The following WDR26 variants were observed in gnomAD, a reference collection of about 807,000 sequenced individuals.
WDR26 encodes WD repeat-containing protein 26.
Under a neutral mutation model 84.1 loss-of-function variants are expected in WDR26, and 5 were observed. That is an observed-to-expected ratio of 0.06 (90% confidence interval 0.03 to 0.13). The LOEUF (loss-of-function observed/expected upper bound fraction) is 0.13, where lower values mean the gene tolerates loss of function less well. WDR26 is among the 10% of genes least tolerant of loss of function. The pLI is 1.00. For synonymous variants in WDR26, 415 were observed against 389.6 expected, an observed-to-expected ratio of 1.07 and a Z score of -0.77; for missense variants, 642 against 974.9, an observed-to-expected ratio of 0.66 and a Z score of 4.55.
rs1673001183 is a variant in WDR26, at chr1:224,386,754, G to A, written c.*3081C>T. 6.6e-6 allele frequency: 1 copy of A among 152,088 alleles called. No individual in the cohort carries two copies. 9.4% of individuals were successfully genotyped at this position (152,088 alleles called of 1,614,324 possible). A position where few individuals can be genotyped will look rare whatever the true frequency, so the allele number is the denominator to read the frequency against. The stretch of plus-strand genomic sequence containing the variant: ...CCCACCCAATAAAATGGGCCAATTT[G>A]TAGGGATATATGCAAATAAAATGTT... On this transcript the variant is annotated 3_prime_UTR_variant, in exon 14 of 14. Coordinates refer to ENST00000414423, the MANE Select transcript of WDR26 (RefSeq NM_001379403.1).
intron 6 of WDR26, chr1:224,413,237 A>T: frequency 1.9e-6 from 2 of 1,037,152 alleles, no homozygotes; most frequent in Non-Finnish European, 2.4e-6. Flanking sequence ...CGTTATTTAA[A>T]CAATAATGGA....
chr1:224,398,445 C>A, intron 11 of WDR26, 70 bp downstream of exon 11: 1 of 1,393,098 alleles, frequency 7.2e-7, no homozygotes, highest in Non-Finnish European at 9.8e-7. Context: ...TATAAATACA[C>A]TGAAAATAAC....
At chr1:224,397,914 A>G in intron 12 of WDR26, 183 bp downstream of exon 12, 4 of 657,136 alleles carry the variant, frequency 6.1e-6, no homozygotes, top group Non-Finnish European at 9.9e-6. Flanking sequence ...ACATGACAGC[A>G]TGTGACAATT....
At chr1:224,400,272 C>G (rs1453461379) in intron 9 of WDR26, among the ~76,000 whole-genome samples, 1 of 144,684 alleles carries the variant, frequency 6.9e-6, no homozygotes, top group Non-Finnish European at 1.5e-5. Flanking sequence ...TAAAGGGAGT[C>G]TACTCATAAA....
intron 7 of WDR26, among the ~76,000 whole-genome samples, chr1:224,410,467 CAT>C (rs1572184483): frequency 6.6e-6 from 1 of 151,958 alleles, no homozygotes; most frequent in Non-Finnish European, 1.5e-5. Context: ...ATCCATAGGT[CAT>C]CTGGTTATAA....
intron 4 of WDR26, among the ~76,000 whole-genome samples, chr1:224,420,719 TGTAA>T (rs997525378): frequency 1.3e-5 from 2 of 152,202 alleles, no homozygotes; most frequent in African/African-American, 2.4e-5. Flanking sequence ...TATTTAATAA[TGTAA>T]GTAATTATAC....
At chr1:224,401,690 GA>G (rs67543360) in intron 8 of WDR26, among the ~76,000 whole-genome samples, 48 of 84,054 alleles carry the variant, frequency 5.7e-4, no homozygotes, top group African/African-American at 2.0e-3. Context: ...AAAAAAAAAA[GA>G]AAAAAAAAAA....
intron 10 of WDR26, 121 bp downstream of exon 10, chr1:224,398,768 T>C: frequency 7.5e-7 from 1 of 1,332,902 alleles, no homozygotes; most frequent in Non-Finnish European, 1.0e-6. Context: ...CATGTGACCT[T>C]CAATCCAAAT....
rs563365009 is a variant in WDR26, at chr1:224,414,453, T to C, written c.1320-2888A>G. Among the ~76,000 whole-genome samples the C allele has an allele frequency of 8.2e-5, 11 of 134,264 alleles. No homozygotes were observed. In the East Asian group the frequency reaches 2.1e-3, roughly 26 times the overall value. 88.1% of individuals were successfully genotyped at this position (134,264 alleles called of 152,430 possible). A position where few individuals can be genotyped will look rare whatever the true frequency, so the allele number is the denominator to read the frequency against. The stretch of plus-strand genomic sequence containing the variant: ...AAACCTTTTCAATGTACATCAGGAT[T>C]TTTTATTCAGAATAATTCATTTTAA... On this transcript the variant is annotated intron_variant, in intron 6 of 13. Coordinates refer to ENST00000414423, the MANE Select transcript of WDR26 (RefSeq NM_001379403.1).
chr1:224,415,810 T>A (rs1673887127), intron 6 of WDR26, among the ~76,000 whole-genome samples: 1 of 151,820 alleles, frequency 6.6e-6, no homozygotes, highest in Non-Finnish European at 1.5e-5. Flanking sequence ...GCCTAAGGAG[T>A]AGCCAGGAGT....
chr1:224,412,220 A>C (rs1304967341), intron 6 of WDR26, among the ~76,000 whole-genome samples: 2 of 152,218 alleles, frequency 1.3e-5, no homozygotes, highest in African/African-American at 2.4e-5. Context: ...AGAGATACTC[A>C]AATGTGATTA....
intron 10 of WDR26, 138 bp from the exon 11 acceptor site, chr1:224,398,731 G>T (rs541448372): frequency 1.7e-6 from 2 of 1,189,748 alleles, no homozygotes; most frequent in African/African-American, 1.5e-5. Context: ...CAATTGAGAA[G>T]AATCTGAGTT....
intron 6 of WDR26, among the ~76,000 whole-genome samples, chr1:224,417,685 G>A (rs546313165): frequency 2.6e-5 from 4 of 152,192 alleles, no homozygotes; most frequent in Non-Finnish European, 5.9e-5. Flanking sequence ...GGGCAACAGA[G>A]AGGCTGTGTC....
chr1:224,433,622 A>ACCCCCCCCC, intron 1 of WDR26, 62 bp downstream of exon 1: 4 of 852,328 alleles, frequency 4.7e-6, no homozygotes, highest in Non-Finnish European at 4.3e-6. Context: ...CCCTTCCCCT[A>ACCCCCCCCC]CCCCCCTGGA....
intron 1 of WDR26, among the ~76,000 whole-genome samples, chr1:224,432,704 G>T (rs1334384915): frequency 6.6e-6 from 1 of 152,058 alleles, no homozygotes; most frequent in Non-Finnish European, 1.5e-5. Context: ...AAATGCAAAA[G>T]TACACATCGG....
In WDR26 at chr1:224,404,455, G is replaced by A; in HGVS notation, c.1574C>T (p.Ser525Phe). 6.2e-7 allele frequency: 1 copy of A among 1,614,056 alleles called. No individual in the cohort carries two copies. Among genetic ancestry groups the A allele is most frequent in the Non-Finnish European group, 8.5e-7 (1 of 1,179,980 alleles). ...TTGTACATTCCAAAGCCAAAGCTCA[G>A]AGCAGTCATCTGGGCCACAAGCAAC... Residue 525 changes from serine (S) to phenylalanine (F), a missense_variant, in exon 8 of 14, where the codon TCT (serine) becomes TTT (phenylalanine). Around this residue, in one of 2 missense-constraint regions of WDR26, gnomAD observed 351 missense variants for 672.8 expected, o/e 0.52. Coordinates refer to ENST00000414423, the MANE Select transcript of WDR26 (RefSeq NM_001379403.1).
chr1:224,414,979 C>T (rs1230253523), intron 6 of WDR26, among the ~76,000 whole-genome samples: 2 of 152,200 alleles, frequency 1.3e-5, no homozygotes, highest in Admixed American at 6.5e-5. Flanking sequence ...TGCACTCCAA[C>T]TTGGGCTACA....
chr1:224,386,414 A>G lies in WDR26; in HGVS notation c.*3421T>C, dbSNP rs1191639334. The G allele has an allele frequency of 1.3e-5, 2 of 152,598 alleles. No individual in the cohort carries two copies. Among genetic ancestry groups the G allele is most frequent in the Non-Finnish European group, 2.9e-5 (2 of 68,018 alleles). The allele number at this position is 152,598 out of a possible 1,614,324, so 9.5% of individuals were successfully genotyped here. ...TCTACTGTGAAAGAAACTGACATGG[A>G]TATTTTCCCTTTCAAGAGATGTATG... On this transcript the variant is annotated 3_prime_UTR_variant, in exon 14 of 14. Transcript: ENST00000414423.
intron 8 of WDR26, among the ~76,000 whole-genome samples, chr1:224,403,644 A>C (rs1010630018): frequency 2.0e-5 from 3 of 152,190 alleles, no homozygotes; most frequent in African/African-American, 7.2e-5. Flanking sequence ...TTTCATATAT[A>C]AACAGCAATG....
Sources: allele counts gnomAD v4.1 joint callset (sites outside exome capture counted in the v4.1 genomes callset), GRCh38; gene constraint gnomAD v4.1.1; regional missense constraint gnomAD v4.1.1; transcripts MANE v1.5; gene names NCBI Gene and HGNC (gene_info 2026-07-23, HGNC 2026-07-21).